NEGR1: variants seen among roughly 807,000 people sequenced by gnomAD.
The protein encoded by NEGR1 is IgLON family member 4.
Under a neutral mutation model 40.9 loss-of-function variants are expected in NEGR1, and 10 were observed. The ratio of observed to expected loss-of-function variants is 0.24; its 90% CI spans 0.15 to 0.42. The LOEUF is 0.42. Among genes scored for constraint, NEGR1 ranks in the 10% least tolerant of loss-of-function variants. The pLI, the probability that NEGR1 is intolerant of heterozygous loss-of-function variation, is 1.00. For missense variants in NEGR1, 352 were observed against 438.9 expected, an observed-to-expected ratio of 0.80 and a Z score of 1.77; for synonymous variants, 185 against 166.8, an observed-to-expected ratio of 1.11 and a Z score of -0.84.
Position 71,611,152 on chromosome 1 carries a change from A to G in NEGR1, c.668-6T>C. ...TTCCTGAATAGTAGGAGCAACTGCA[A>G]AAGAAACAAACAAACAAATACTAGT... is the stretch of plus-strand genomic sequence containing the variant. On this transcript the variant is annotated splice_region_variant and splice_polypyrimidine_tract_variant and intron_variant, in intron 4 of 6. Coordinates refer to ENST00000357731, the MANE Select transcript of NEGR1 (RefSeq NM_173808.3). The G allele has an allele frequency of 1.2e-6, 2 of 1,612,832 alleles. No homozygotes were observed. Among genetic ancestry groups the G allele is most frequent in the Non-Finnish European group, 1.7e-6 (2 of 1,179,158 alleles).
chr1:71,575,660 G>A (rs1393935011), intron 6 of NEGR1, among the ~76,000 whole-genome samples: 2 of 152,166 alleles, frequency 1.3e-5, no homozygotes, highest in Non-Finnish European at 2.9e-5. Context: ...GCGGGTGCCT[G>A]TAGTCTCAGC....
At chr1:72,259,590 G>GA (rs1199301391) in intron 1 of NEGR1, among the ~76,000 whole-genome samples, 1 of 151,952 alleles carries the variant, frequency 6.6e-6, no homozygotes, top group Non-Finnish European at 1.5e-5. Context: ...TGTAATTAGA[G>GA]AAAAAAGTTT....
intron 2 of NEGR1, among the ~76,000 whole-genome samples, chr1:71,834,532 G>A (rs1219562799): frequency 6.8e-6 from 1 of 146,248 alleles, no homozygotes; most frequent in Non-Finnish European, 1.5e-5. Flanking sequence ...CCTGCCCTCA[G>A]ACTGGGTTTT....
intron 2 of NEGR1, among the ~76,000 whole-genome samples, chr1:71,869,594 T>C (rs1057252179): frequency 2.0e-5 from 3 of 152,102 alleles, no homozygotes. Flanking sequence ...TATTTTGAGG[T>C]AATAGCATAT....
chr1:72,085,198 T>G (rs761803115), intron 1 of NEGR1, among the ~76,000 whole-genome samples: 7 of 152,178 alleles, frequency 4.6e-5, no homozygotes, highest in Non-Finnish European at 7.4e-5. Context: ...TAATGCATAA[T>G]TATGGGTATA....
intron 1 of NEGR1, among the ~76,000 whole-genome samples, chr1:71,975,714 C>A (rs370085299): frequency 1.3e-5 from 2 of 152,190 alleles, no homozygotes; most frequent in African/African-American, 4.8e-5. Flanking sequence ...GTCCTAGCTG[C>A]AGATGTGCTA....
chr1:71,697,823 G>C (rs1352402838), intron 4 of NEGR1, 185 bp downstream of exon 4: 2 of 577,034 alleles, frequency 3.5e-6, no homozygotes, highest in African/African-American at 3.8e-5. Context: ...GGGTTTACTT[G>C]GGACAATTGT....
chr1:71,416,572 T>C (rs1479248133), intron 6 of NEGR1, among the ~76,000 whole-genome samples: 1 of 152,192 alleles, frequency 6.6e-6, no homozygotes, highest in Non-Finnish European at 1.5e-5. Context: ...ACACTCTAGA[T>C]TGATTTTGAG....
chr1:71,935,334 C>A, intron 1 of NEGR1, 23 bp from the exon 2 acceptor site: 1 of 1,438,948 alleles, frequency 6.9e-7, no homozygotes, highest in African/African-American at 1.4e-5. Context: ...AGAGATACAA[C>A]ACTATTAATC....
At chr1:72,000,855 G>C (rs1316571838) in intron 1 of NEGR1, among the ~76,000 whole-genome samples, 1 of 152,128 alleles carries the variant, frequency 6.6e-6, no homozygotes, top group Non-Finnish European at 1.5e-5. Flanking sequence ...CTGACAGGCA[G>C]GTAGTTCGGG....
intron 4 of NEGR1, among the ~76,000 whole-genome samples, chr1:71,669,812 A>G (rs1013783327): frequency 4.0e-5 from 6 of 151,636 alleles, no homozygotes; most frequent in African/African-American, 1.5e-4. Context: ...CGCCATGCTC[A>G]GTTAATTTTT....
intron 6 of NEGR1, among the ~76,000 whole-genome samples, chr1:71,411,602 G>A (rs1198334377): frequency 6.6e-6 from 1 of 152,242 alleles, no homozygotes; most frequent in East Asian, 1.9e-4. Flanking sequence ...AAGGGCTTTA[G>A]TTTCATTCTG....
intron 1 of NEGR1, among the ~76,000 whole-genome samples, chr1:72,128,705 G>A (rs553459524): frequency 2.6e-5 from 4 of 152,054 alleles, no homozygotes; most frequent in African/African-American, 7.2e-5. Flanking sequence ...CAACTTCACC[G>A]AACCAAGGGG....
At chr1:71,660,223 G>A (rs1456699021) in intron 4 of NEGR1, among the ~76,000 whole-genome samples, 4 of 152,120 alleles carry the variant, frequency 2.6e-5, no homozygotes, top group Non-Finnish European at 5.9e-5. Flanking sequence ...ACTAATGCAG[G>A]AACAGAAAAC....
intron 1 of NEGR1, among the ~76,000 whole-genome samples, chr1:71,985,989 T>C (rs1394455126): frequency 1.3e-5 from 2 of 152,174 alleles, no homozygotes; most frequent in Non-Finnish European, 2.9e-5. Context: ...TTGAAATACA[T>C]TTAACTGAGA....
intron 6 of NEGR1, among the ~76,000 whole-genome samples, chr1:71,562,344 A>G (rs1300114033): frequency 2.0e-5 from 3 of 151,834 alleles, no homozygotes; most frequent in Non-Finnish European, 4.4e-5. Context: ...AAAACACTGG[A>G]CATAAATCTT....
intron 1 of NEGR1, among the ~76,000 whole-genome samples, chr1:72,063,630 C>A (rs1647210881): frequency 6.6e-6 from 1 of 151,880 alleles, no homozygotes; most frequent in African/African-American, 2.4e-5. Context: ...ATTTCCAGTA[C>A]ACTGTGCATC....
chr1:71,739,192 G>T (rs1444518453), intron 3 of NEGR1, among the ~76,000 whole-genome samples: 1 of 130,452 alleles, frequency 7.7e-6, no homozygotes, highest in African/African-American at 3.3e-5. Context: ...CAGAAAAAAG[G>T]CAGGCAGAAA....
At chr1:72,246,609 T>G (rs1654910799) in intron 1 of NEGR1, among the ~76,000 whole-genome samples, 1 of 152,234 alleles carries the variant, frequency 6.6e-6, no homozygotes, top group Admixed American at 6.5e-5. Context: ...CTTTTTTATA[T>G]AGGAATACAT....
Sources: allele counts gnomAD v4.1 joint callset (sites outside exome capture counted in the v4.1 genomes callset), GRCh38; gene constraint gnomAD v4.1.1; transcripts MANE v1.5; gene names NCBI Gene and HGNC (gene_info 2026-07-23, HGNC 2026-07-21).